Variants in OPRD1 observed in about 807,000 individuals in gnomAD.
OPRD1 encodes the protein opioid receptor delta 1, also known as delta-type opioid receptor.
In OPRD1, 19 loss-of-function variants were observed where a neutral mutation model predicts 17.5. The observed-to-expected ratio is 1.09, with a 90% CI of 0.76 to 1.60. The LOEUF (loss-of-function observed/expected upper bound fraction) is 1.60. Ranked by LOEUF, OPRD1 falls within the 40% of genes most tolerant of loss-of-function variation. The probability of loss-of-function intolerance (pLI) is 0.00; values close to 1 mark genes in which losing one functional copy is unlikely to be tolerated. For synonymous variants in OPRD1, 256 were observed against 240.9 expected, an observed-to-expected ratio of 1.06 and a Z score of -0.58; for missense variants, 483 against 547.2, an observed-to-expected ratio of 0.88 and a Z score of 1.17.
intron 1 of OPRD1, among the ~76,000 whole-genome samples, chr1:28,853,335 G>T (rs184118996): frequency 1.2e-4 from 19 of 152,308 alleles, no homozygotes; most frequent in Admixed American, 7.8e-4. Context: ...GATCAAGGGG[G>T]CCTTGGGTTA....
At chr1:28,822,849 T>C (rs6669447) in intron 1 of OPRD1, among the ~76,000 whole-genome samples, 58,677 of 151,874 alleles carry the variant, frequency 0.39, 12,125 homozygotes, top group African/African-American at 0.53. Flanking sequence ...CTGGCAGATG[T>C]CTGGACTTTG....
intron 1 of OPRD1, among the ~76,000 whole-genome samples, chr1:28,820,218 AT>A (rs1203629444): frequency 7.6e-6 from 1 of 131,198 alleles, no homozygotes; most frequent in African/African-American, 3.0e-5. Context: ...TTTTTTTGAG[AT>A]AGTCTCGCTC....
At chr1:28,839,968 T>C (rs1454666910) in intron 1 of OPRD1, among the ~76,000 whole-genome samples, 1 of 152,160 alleles carries the variant, frequency 6.6e-6, no homozygotes, top group Non-Finnish European at 1.5e-5. Context: ...CTTTGGTCTG[T>C]TGCTCATTAC....
At chr1:28,813,929 T>C (rs1309907946) in intron 1 of OPRD1, among the ~76,000 whole-genome samples, 7 of 152,172 alleles carry the variant, frequency 4.6e-5, no homozygotes, top group Non-Finnish European at 7.3e-5. Context: ...TTGGAAAGTA[T>C]GAATTCCAGG....
intron 1 of OPRD1, among the ~76,000 whole-genome samples, chr1:28,834,645 G>A (rs1463294446): frequency 6.6e-6 from 1 of 152,084 alleles, no homozygotes; most frequent in Non-Finnish European, 1.5e-5. Context: ...CTCCCAAGGT[G>A]CTGGGATTAC....
At chr1:28,859,953 A>G (rs192488987) in intron 2 of OPRD1, among the ~76,000 whole-genome samples, 260 of 152,340 alleles carry the variant, frequency 1.7e-3, no homozygotes, top group African/African-American at 5.8e-3. Context: ...ATCCAGTGTG[A>G]GTAGGAGGAG....
chr1:28,827,945 A>C (rs1196027809), intron 1 of OPRD1, among the ~76,000 whole-genome samples: 3 of 152,020 alleles, frequency 2.0e-5, no homozygotes. Flanking sequence ...TGTGTTGCCC[A>C]GGCTGGTCTC....
intron 1 of OPRD1, among the ~76,000 whole-genome samples, chr1:28,848,481 G>GT (rs2088971788): frequency 6.6e-6 from 1 of 152,226 alleles, no homozygotes; most frequent in African/African-American, 2.4e-5. Context: ...GTAATAGCAG[G>GT]TAACTGTTCA....
intron 1 of OPRD1, among the ~76,000 whole-genome samples, chr1:28,820,193 A>ATTTT (rs1271417329): frequency 5.4e-5 from 7 of 128,890 alleles, no homozygotes; most frequent in African/African-American, 2.1e-4. Context: ...GAGGAACTAG[A>ATTTT]TTTTTTTTTT....
rs1017315280 is a variant in OPRD1 at position 28,859,175 on chromosome 1, T to C, written c.449T>C (p.Val150Ala). The C allele has an allele frequency of 1.2e-6, 2 of 1,614,272 alleles. No individual in the cohort carries two copies. The highest frequency in any genetic ancestry group is 3.3e-5 in the Admixed American group (2 of 60,034). Residue 150 changes from valine (V) to alanine (A), a missense_variant, in exon 2 of 3, where the codon GTC becomes GCC. Transcript: ENST00000234961. ...TMMSVDRYIAVCHPVKALDFR... is the reference protein window; with the variant it reads ...TMMSVDRYIAACHPVKALDFR... ...ATGAGTGTTGACCGCTACATCGCTG[T>C]CTGCCACCCTGTCAAGGCCCTGGAC... is the stretch of plus-strand genomic sequence containing the variant.
At chr1:28,815,912 C>T (rs2088668852) in intron 1 of OPRD1, among the ~76,000 whole-genome samples, 1 of 152,104 alleles carries the variant, frequency 6.6e-6, no homozygotes, top group Admixed American at 6.6e-5. Flanking sequence ...CTGGACCAGA[C>T]ATATCTGAGT....
chr1:28,848,488 T>C (rs498952), intron 1 of OPRD1, among the ~76,000 whole-genome samples: 61,452 of 151,938 alleles, frequency 0.4, 14,750 homozygotes, highest in East Asian at 0.87. Context: ...CAGGTAACTG[T>C]TCATTAATTA....
At chr1:28,818,155 G>A (rs1434928963) in intron 1 of OPRD1, among the ~76,000 whole-genome samples, 3 of 152,224 alleles carry the variant, frequency 2.0e-5, no homozygotes, top group African/African-American at 7.2e-5. Context: ...CAGGTGGGCA[G>A]AGTGCAGGTG....
intron 2 of OPRD1, among the ~76,000 whole-genome samples, chr1:28,862,485 G>T (rs2089132119): frequency 2.0e-5 from 3 of 152,176 alleles, no homozygotes; most frequent in Admixed American, 6.5e-5. Flanking sequence ...TGGACACAAA[G>T]GCTGAAAAGG....
At chr1:28,855,306 G>C (rs1221239099) in intron 1 of OPRD1, among the ~76,000 whole-genome samples, 2 of 152,190 alleles carry the variant, frequency 1.3e-5, no homozygotes, top group African/African-American at 2.4e-5. Flanking sequence ...GCCCCGAAGT[G>C]GGGAGGTGGG....
At chr1:28,847,553 G>T (rs2088964929) in intron 1 of OPRD1, among the ~76,000 whole-genome samples, 1 of 152,204 alleles carries the variant, frequency 6.6e-6, no homozygotes, top group African/African-American at 2.4e-5. Flanking sequence ...AATAATAAAG[G>T]CTGGGCACAA....
chr1:28,826,083 C>G (rs568053765), intron 1 of OPRD1, among the ~76,000 whole-genome samples: 2 of 152,206 alleles, frequency 1.3e-5, no homozygotes, highest in South Asian at 4.1e-4. Flanking sequence ...TGAAGTCAAC[C>G]GAAACAGGCA....
intron 1 of OPRD1, among the ~76,000 whole-genome samples, chr1:28,823,822 C>T (rs1371450805): frequency 6.6e-6 from 1 of 151,520 alleles, no homozygotes; most frequent in Non-Finnish European, 1.5e-5. Flanking sequence ...AGCCACCGTG[C>T]CCAGCCCGTC....
Position 28,862,808 on chromosome 1 carries a change from T to G in OPRD1, c.644T>G (p.Ile215Ser), listed in dbSNP as rs1219965887. ...PSWYWDTVTKICVFLFAFVVP... is the reference protein window; with the variant it reads ...PSWYWDTVTKSCVFLFAFVVP... ...TGGTACTGGGACACGGTGACCAAGA[T>G]CTGCGTGTTCCTCTTCGCCTTCGTG... is the stretch of plus-strand genomic sequence containing the variant. Residue 215 changes from isoleucine to serine, a missense_variant, in exon 3 of 3, where the codon ATC (isoleucine) becomes AGC (serine). Physicochemically the swap from Ile to Ser is moderately radical, Grantham distance 142 (BLOSUM62 -2). Coordinates refer to ENST00000234961, the MANE Select transcript of OPRD1 (RefSeq NM_000911.4). The G allele has an allele frequency of 6.2e-7, 1 of 1,613,620 alleles. No individual in the cohort carries two copies. The highest frequency in any genetic ancestry group is 8.5e-7 in the Non-Finnish European group (1 of 1,180,020).
Sources: gnomAD v4.1 joint callset for allele counts (sites outside exome capture counted in the v4.1 genomes callset) on GRCh38, gnomAD v4.1.1 for gene constraint, MANE v1.5 for transcripts, NCBI Gene and HGNC (gene_info 2026-07-23, HGNC 2026-07-21) for gene names.